Variants in ESRRG observed in about 807,000 individuals in gnomAD.
ESRRG encodes estrogen related receptor gamma.
A neutral mutation model predicts 44.0 loss-of-function variants in ESRRG; 13 were observed. The observed-to-expected ratio is 0.30, with a 90% CI of 0.19 to 0.47. The LOEUF is 0.47. Ranked by LOEUF, ESRRG falls within the 20% of genes least tolerant of loss-of-function variation. The probability of loss-of-function intolerance (pLI) is 1.00; values close to 1 mark genes in which losing one functional copy is unlikely to be tolerated. For synonymous variants in ESRRG, 215 were observed against 214.6 expected (o/e 1.00, Z -0.02); for missense variants, 395 against 580.6 (o/e 0.68, Z 3.29).
intron 2 of ESRRG, among the ~76,000 whole-genome samples, chr1:216,655,322 C>CA (rs2070192433): frequency 6.6e-6 from 1 of 151,980 alleles, no homozygotes; most frequent in Non-Finnish European, 1.5e-5. Context: ...ATAAACAATA[C>CA]ATTTTAGTGG....
intron 1 of ESRRG, among the ~76,000 whole-genome samples, chr1:216,960,717 C>A (rs746800738): frequency 6.6e-6 from 1 of 152,054 alleles, no homozygotes; most frequent in Admixed American, 6.6e-5. Context: ...TCCTGAGTAG[C>A]TGGGACTATA....
At chr1:216,544,732 ACT>A (rs1171973945) in intron 5 of ESRRG, among the ~76,000 whole-genome samples, 1 of 141,484 alleles carries the variant, frequency 7.1e-6, no homozygotes, top group African/African-American at 2.5e-5. Context: ...TAGAAAAAAC[ACT>A]GTTTGTTTTG....
intron 5 of ESRRG, among the ~76,000 whole-genome samples, chr1:216,526,396 A>G (rs1039565099): frequency 1.3e-5 from 2 of 152,080 alleles, no homozygotes; most frequent in Non-Finnish European, 1.5e-5. Flanking sequence ...ACGTGTGCAG[A>G]GGAAAGATGA....
intron 2 of ESRRG, among the ~76,000 whole-genome samples, chr1:216,753,641 A>T (rs1228924207): frequency 6.6e-6 from 1 of 152,150 alleles, no homozygotes; most frequent in Admixed American, 6.6e-5. Flanking sequence ...GTGCAAATAC[A>T]TAAAAGTGTA....
chr1:216,875,026 T>C (rs1373037828), intron 2 of ESRRG, among the ~76,000 whole-genome samples: 3 of 152,158 alleles, frequency 2.0e-5, no homozygotes, highest in Non-Finnish European at 2.9e-5. Flanking sequence ...AGTTTTGGGA[T>C]TCGAACTGAT....
At chr1:217,081,692 C>G (rs28712022) in intron 1 of ESRRG, among the ~76,000 whole-genome samples, 9 of 152,088 alleles carry the variant, frequency 5.9e-5, no homozygotes, top group East Asian at 1.9e-4. Flanking sequence ...AATCATCAAG[C>G]CTTACCCTCC....
intron 2 of ESRRG, among the ~76,000 whole-genome samples, chr1:216,927,446 T>C (rs1191395100): frequency 2.0e-5 from 3 of 151,972 alleles, no homozygotes; most frequent in African/African-American, 4.8e-5. Context: ...AAGTGACCAG[T>C]GAGAATATCC....
In ESRRG at chr1:216,519,474, G is replaced by A. The variant is rs985124918; in HGVS notation, c.863-53C>T. ...TACTTTAAAGCCATAATTTCATAAT[G>A]CAACATTAGTTTCATATGGTAGCTG... On this transcript the variant is annotated intron_variant, in intron 5 of 6. Transcript: ENST00000408911. 1.1e-5 allele frequency: 17 copies of A among 1,528,550 alleles called. No homozygotes were observed. In the Admixed American group the frequency reaches 3.6e-4, roughly 33 times the overall value. 94.7% of individuals were successfully genotyped at this position (1,528,550 alleles called of 1,614,324 possible).
intron 3 of ESRRG, among the ~76,000 whole-genome samples, chr1:216,569,190 G>GGGAAAGGAAAGGAAAGGAAAGGAAA (rs55924517): frequency 3.3e-4 from 18 of 53,874 alleles, no homozygotes; most frequent in African/African-American, 1.9e-3. Context: ...GGGAAGGGAA[G>GGGAAAGGAAAGGAAAGGAAAGGAAA]GGAAAGGAAA....
chr1:216,622,238 C>T (rs1456835862), intron 3 of ESRRG, among the ~76,000 whole-genome samples: 1 of 152,142 alleles, frequency 6.6e-6, no homozygotes, highest in East Asian at 1.9e-4. Context: ...TGGAGAAAGT[C>T]CTTTGTCTTG....
intron 1 of ESRRG, among the ~76,000 whole-genome samples, chr1:217,068,072 CA>C (rs1311320395): frequency 6.6e-6 from 1 of 152,136 alleles, no homozygotes; most frequent in Non-Finnish European, 1.5e-5. Flanking sequence ...CCTAAGTTTG[CA>C]AGTACAAGGT....
chr1:216,796,429 C>T (rs1169917718), intron 2 of ESRRG, among the ~76,000 whole-genome samples: 1 of 152,136 alleles, frequency 6.6e-6, no homozygotes, highest in Non-Finnish European at 1.5e-5. Context: ...GCAAAACTGG[C>T]TCCCTAGAAG....
intron 2 of ESRRG, among the ~76,000 whole-genome samples, chr1:216,667,659 C>A (rs1360048028): frequency 2.4e-5 from 3 of 122,866 alleles, no homozygotes; most frequent in Non-Finnish European, 3.1e-5. Flanking sequence ...GCCCTACAGC[C>A]TGGGTGACAG....
chr1:216,570,706 T>G (rs932871177), intron 3 of ESRRG, among the ~76,000 whole-genome samples: 4 of 152,082 alleles, frequency 2.6e-5, no homozygotes, highest in African/African-American at 9.7e-5. Flanking sequence ...ATTAGAAGTG[T>G]GAAGAGAAGG....
chr1:216,956,452 T>C (rs963270998), intron 1 of ESRRG, among the ~76,000 whole-genome samples: 1 of 152,202 alleles, frequency 6.6e-6, no homozygotes, highest in Non-Finnish European at 1.5e-5. Context: ...TCTACTCTGT[T>C]CCATCGGTCT....
chr1:216,691,830 A>T (rs1433534330), intron 1 of ESRRG, among the ~76,000 whole-genome samples: 2 of 152,160 alleles, frequency 1.3e-5, no homozygotes. Context: ...ACAACACGTC[A>T]GTCAACAACA....
chr1:216,787,400 C>T (rs976775112), intron 2 of ESRRG, among the ~76,000 whole-genome samples: 35 of 151,932 alleles, frequency 2.3e-4, no homozygotes, highest in South Asian at 2.1e-4. Context: ...GTCAGGAGTT[C>T]GAGACCAGTC....
intron 2 of ESRRG, among the ~76,000 whole-genome samples, chr1:216,756,543 T>C (rs745352620): frequency 2.6e-5 from 4 of 152,020 alleles, no homozygotes; most frequent in Non-Finnish European, 2.9e-5. Context: ...GATATAGTTC[T>C]CACAATGGGT....
chr1:216,666,295 C>T (rs1196254609), intron 2 of ESRRG, among the ~76,000 whole-genome samples: 1 of 152,104 alleles, frequency 6.6e-6, no homozygotes, highest in African/African-American at 2.4e-5. Flanking sequence ...TCTAATATAC[C>T]CTATCTGGCT....
Sources: gnomAD v4.1 joint callset for allele counts (sites outside exome capture counted in the v4.1 genomes callset) on GRCh38, gnomAD v4.1.1 for gene constraint, MANE v1.5 for transcripts, NCBI Gene and HGNC (gene_info 2026-07-23, HGNC 2026-07-21) for gene names.